Variants in CTDSPL observed in about 807,000 individuals in gnomAD.
CTDSPL encodes the protein CTD small phosphatase like, also known as CTD small phosphatase-like protein.
In CTDSPL, 8 loss-of-function variants were observed where a neutral mutation model predicts 30.5. The observed-to-expected ratio is 0.26, with a 90% CI of 0.15 to 0.47. The LOEUF is 0.47. Ranked by LOEUF, CTDSPL falls within the 20% of genes least tolerant of loss-of-function variation. The pLI is 0.99. For missense variants in CTDSPL, 248 were observed against 366.1 expected (o/e 0.68, Z 2.63); for synonymous variants, 110 against 137.9 (o/e 0.80, Z 1.42).
chr3:37,948,026 G>A (rs1015689053), intron 2 of CTDSPL, among the ~76,000 whole-genome samples: 4 of 152,234 alleles, frequency 2.6e-5, no homozygotes, highest in African/African-American at 9.6e-5. Context: ...GCTCACGCCT[G>A]TAATCCCAGC....
intron 1 of CTDSPL, among the ~76,000 whole-genome samples, chr3:37,945,397 C>T (rs571173684): frequency 9.7e-5 from 13 of 133,606 alleles, no homozygotes; most frequent in African/African-American, 3.3e-4. Context: ...CGACACAATC[C>T]TGCTGTATTT....
At chr3:37,967,264 A>G (rs777511694) in intron 4 of CTDSPL, among the ~76,000 whole-genome samples, 23 of 152,218 alleles carry the variant, frequency 1.5e-4, no homozygotes, top group Non-Finnish European at 2.6e-4. Flanking sequence ...GAGAGGAGAA[A>G]CTGAGGTCCA....
At chr3:37,905,285 G>T (rs1211908208) in intron 1 of CTDSPL, among the ~76,000 whole-genome samples, 1 of 152,198 alleles carries the variant, frequency 6.6e-6, no homozygotes, top group Non-Finnish European at 1.5e-5. Flanking sequence ...AGGGGGCAAG[G>T]TTTATAGAAT....
chr3:37,862,385 C>A lies in CTDSPL; in HGVS notation c.79+107C>A. 2 of 939,544 alleles carry A rather than the reference C, an allele frequency of 2.1e-6. No homozygotes were observed. Among genetic ancestry groups the A allele is most frequent in the Non-Finnish European group, 2.8e-6 (2 of 710,810 alleles). 58.2% of individuals were successfully genotyped at this position (939,544 alleles called of 1,614,324 possible). On this transcript the variant is annotated intron_variant, in intron 1 of 7. Coordinates refer to ENST00000273179, the MANE Select transcript of CTDSPL (RefSeq NM_001008392.2). The surrounding 1 kb of genome is among the most constrained non-coding windows in gnomAD (Gnocchi z 4.3). The stretch of plus-strand genomic sequence containing the variant: ...GGGCCTGGGGGAGGGGTGCACAGGG[C>A]CCGGAGGGTGCGTGGGTGTGGGGTG...
intron 1 of CTDSPL, among the ~76,000 whole-genome samples, chr3:37,908,301 A>G (rs986249539): frequency 6.6e-6 from 1 of 152,262 alleles, no homozygotes; most frequent in African/African-American, 2.4e-5. Context: ...CTCCTAATAG[A>G]AAGTGGAAGG....
At chr3:37,903,935 CT>C (rs2125602512) in intron 1 of CTDSPL, among the ~76,000 whole-genome samples, 1 of 152,366 alleles carries the variant, frequency 6.6e-6, no homozygotes. Context: ...AGGTTACTGA[CT>C]TATTCAAGCA....
At chr3:37,936,726 A>G (rs1203978347) in intron 1 of CTDSPL, among the ~76,000 whole-genome samples, 1 of 150,220 alleles carries the variant, frequency 6.7e-6, no homozygotes, top group Admixed American at 6.7e-5. Flanking sequence ...ATTCAACTCT[A>G]TGATTTCTTT....
chr3:37,918,587 C>A (rs1698676261), intron 1 of CTDSPL, among the ~76,000 whole-genome samples: 1 of 152,174 alleles, frequency 6.6e-6, no homozygotes, highest in Non-Finnish European at 1.5e-5. Context: ...TCGGTTCTCA[C>A]AATAGTTCTT....
intron 1 of CTDSPL, among the ~76,000 whole-genome samples, chr3:37,926,781 G>C (rs1178355316): frequency 6.6e-6 from 1 of 152,192 alleles, no homozygotes; most frequent in Admixed American, 6.5e-5. Flanking sequence ...GGCTTGCAGT[G>C]TTCAGTGTTA....
intron 5 of CTDSPL, among the ~76,000 whole-genome samples, chr3:37,970,780 G>T (rs1023411178): frequency 1.3e-5 from 2 of 152,168 alleles, no homozygotes; most frequent in African/African-American, 4.8e-5. Flanking sequence ...TATGTCTGGG[G>T]TCCAGGAATA....
In CTDSPL at chr3:37,862,413, C is replaced by A; in HGVS notation, c.79+135C>A. ...GGAGGGTGCGTGGGTGTGGGGTGCG[C>A]CCGGAGGAGAGCGAGGCTGCCAGAG... is the stretch of plus-strand genomic sequence containing the variant. On this transcript the variant is annotated intron_variant, in intron 1 of 7. Coordinates refer to ENST00000273179, the MANE Select transcript of CTDSPL (RefSeq NM_001008392.2). This position sits in a 1 kb window ranked among gnomAD's most constrained non-coding sequence, Gnocchi z 4.3. 1.6e-6 allele frequency: 1 copy of A among 626,048 alleles called. No individual in the cohort carries two copies. The highest frequency in any genetic ancestry group is 2.3e-6 in the Non-Finnish European group (1 of 438,402). 38.8% of individuals were successfully genotyped at this position (626,048 alleles called of 1,614,324 possible). A position where few individuals can be genotyped will look rare whatever the true frequency, so the allele number is the denominator to read the frequency against.
intron 1 of CTDSPL, among the ~76,000 whole-genome samples, chr3:37,872,171 T>C (rs963765973): frequency 6.6e-6 from 1 of 152,138 alleles, no homozygotes; most frequent in Non-Finnish European, 1.5e-5. Context: ...ATGTTTTGTA[T>C]TTTTTGTAGA....
At chr3:37,946,880 T>A (rs551043397) in intron 1 of CTDSPL, among the ~76,000 whole-genome samples, 177 bp from the exon 2 acceptor site, 26 of 152,296 alleles carry the variant, frequency 1.7e-4, no homozygotes, top group African/African-American at 6.3e-4. Flanking sequence ...ATTCTCACAT[T>A]TGATTCACAG....
At chr3:37,905,500 G>A (rs931347971) in intron 1 of CTDSPL, among the ~76,000 whole-genome samples, 1 of 152,192 alleles carries the variant, frequency 6.6e-6, no homozygotes, top group African/African-American at 2.4e-5. Flanking sequence ...GTGGGTCAAT[G>A]CACAGCTATT....
At chr3:37,947,454 G>A (rs1483533659) in intron 2 of CTDSPL, among the ~76,000 whole-genome samples, 1 of 152,154 alleles carries the variant, frequency 6.6e-6, no homozygotes, top group Non-Finnish European at 1.5e-5. Flanking sequence ...CAGCTACTAG[G>A]GAGGCTGAGG....
Position 37,892,094 on chromosome 3 carries a change from A to G in CTDSPL, c.79+29816A>G, listed in dbSNP as rs1698334757. ...TATATGGATGCACCTTAATTCATCT[A>G]TGCATCTCCCTACTGATGAACACTT... On this transcript the variant is annotated intron_variant, in intron 1 of 7. Transcript: ENST00000273179. 3.3e-5 allele frequency among the ~76,000 whole-genome samples: 5 copies of G among 152,168 alleles called. No homozygotes were observed. The South Asian group carries it at 6.2e-4, about 19-fold the overall frequency.
chr3:37,950,592 G>A (rs1041485645), intron 2 of CTDSPL, among the ~76,000 whole-genome samples: 4 of 152,224 alleles, frequency 2.6e-5, no homozygotes, highest in Non-Finnish European at 5.9e-5. Context: ...GATGGTAATT[G>A]TGAGAGAGAA....
At chr3:37,869,021 C>T (rs1475520932) in intron 1 of CTDSPL, among the ~76,000 whole-genome samples, 32 of 151,942 alleles carry the variant, frequency 2.1e-4, no homozygotes, top group Non-Finnish European at 1.5e-5. Context: ...TAGATTAAGT[C>T]TTCCAATCCA....
chr3:37,980,753 G>A lies in CTDSPL; in HGVS notation c.717G>A (p.Gln239=). 1 of 1,614,242 alleles carries A rather than the reference G, an allele frequency of 6.2e-7. No individual in the cohort carries two copies. Among genetic ancestry groups the A allele is most frequent in the Non-Finnish European group, 8.5e-7 (1 of 1,180,042 alleles). Residue 239 remains glutamine, a synonymous_variant, in exon 8 of 8, where the codon CAG becomes CAA. Coordinates refer to ENST00000273179, the MANE Select transcript of CTDSPL (RefSeq NM_001008392.2). ...GCACTGTCTTCCAGGTGCCTGTGCA[G>A]TCCTGGTTCGATGACATGACGGACA... ...IFHPENAVPV[Q]SWFDDMTDTE... is the part of the protein sequence containing the mutation.
Sources: allele counts gnomAD v4.1 joint callset (sites outside exome capture counted in the v4.1 genomes callset), GRCh38; gene constraint gnomAD v4.1.1; non-coding constraint Gnocchi (gnomAD v3.1); transcripts MANE v1.5; gene names NCBI Gene and HGNC (gene_info 2026-07-23, HGNC 2026-07-21).